RLF: variants seen among roughly 807,000 people sequenced by gnomAD.
RLF encodes the protein RLF zinc finger.
A neutral mutation model predicts 162.9 loss-of-function variants in RLF; 7 were observed. That is an observed-to-expected ratio of 0.04 (90% CI 0.02 to 0.08). RLF has a LOEUF of 0.08. Ranked by LOEUF, RLF falls within the 10% of genes least tolerant of loss-of-function variation. RLF has a pLI of 1.00. For synonymous variants in RLF, 782 were observed against 791.5 expected, an observed-to-expected ratio of 0.99 and a Z score of 0.20; for missense variants, 1,664 against 2,244.7, an observed-to-expected ratio of 0.74 and a Z score of 5.23.
At chr1:40,187,853 G>T (rs1642502894) in intron 1 of RLF, among the ~76,000 whole-genome samples, 1 of 152,132 alleles carries the variant, frequency 6.6e-6, no homozygotes, top group Non-Finnish European at 1.5e-5. Flanking sequence ...ATTTGTAGTT[G>T]TTTAGGCAGA....
intron 5 of RLF, among the ~76,000 whole-genome samples, chr1:40,212,611 C>T (rs1642877754): frequency 6.6e-6 from 1 of 152,150 alleles, no homozygotes; most frequent in South Asian, 2.1e-4. Flanking sequence ...AATCTGTCAG[C>T]AGAGTTCTTG....
At chr1:40,167,686 T>G (rs991628487) in intron 1 of RLF, among the ~76,000 whole-genome samples, 2 of 151,604 alleles carry the variant, frequency 1.3e-5, no homozygotes, top group African/African-American at 4.9e-5. Context: ...CTATTGCCTT[T>G]CACCTCTTTA....
chr1:40,188,977 CT>C, intron 1 of RLF, 77 bp from the exon 2 acceptor site: 1 of 942,530 alleles, frequency 1.1e-6, no homozygotes, highest in Non-Finnish European at 1.5e-6. Context: ...AATGGGAGAG[CT>C]ATGTGGTGTG....
chr1:40,219,735 C>G (rs867966874), intron 5 of RLF, among the ~76,000 whole-genome samples: 1 of 152,274 alleles, frequency 6.6e-6, no homozygotes, highest in South Asian at 2.1e-4. Flanking sequence ...AATTATCAGG[C>G]ATATTCGTGT....
intron 5 of RLF, among the ~76,000 whole-genome samples, chr1:40,208,086 A>G (rs536299111): frequency 6.6e-6 from 1 of 152,236 alleles, no homozygotes; most frequent in Non-Finnish European, 1.5e-5. Context: ...GGTTAGCAAC[A>G]TTCCACTTGG....
At chr1:40,163,100 G>A (rs916406137) in intron 1 of RLF, among the ~76,000 whole-genome samples, 1 of 151,606 alleles carries the variant, frequency 6.6e-6, no homozygotes, top group Non-Finnish European at 1.5e-5. Context: ...ATCCTGATGG[G>A]AAAGACAATT....
chr1:40,233,772 CAATT>C (rs1393063782), intron 7 of RLF, among the ~76,000 whole-genome samples: 7 of 152,138 alleles, frequency 4.6e-5, no homozygotes, highest in South Asian at 2.1e-4. Flanking sequence ...GGAGTTATCT[CAATT>C]GATTGTTCAC....
intron 6 of RLF, 33 bp from the exon 7 acceptor site, chr1:40,231,468 CAAATACCAGTTACTTT>C (rs1453281963): frequency 6.4e-7 from 1 of 1,573,048 alleles, no homozygotes; most frequent in Non-Finnish European, 8.7e-7. Flanking sequence ...GGCAGGGCAG[CAAATACCAGTTACTTT>C]AAATGTTTTA....
intron 5 of RLF, among the ~76,000 whole-genome samples, chr1:40,219,762 T>A (rs1642968529): frequency 6.6e-6 from 1 of 152,224 alleles, no homozygotes; most frequent in African/African-American, 2.4e-5. Context: ...AAATGCCAGG[T>A]AAACAGCAAT....
At chr1:40,197,298 T>G (rs907594090) in intron 4 of RLF, among the ~76,000 whole-genome samples, 2 of 152,180 alleles carry the variant, frequency 1.3e-5, no homozygotes, top group Non-Finnish European at 2.9e-5. Context: ...TCCATTGAGG[T>G]CCTCAATAAA....
chr1:40,213,130 CAGAA>C (rs1251539621), intron 5 of RLF, among the ~76,000 whole-genome samples: 1 of 152,182 alleles, frequency 6.6e-6, no homozygotes, highest in Non-Finnish European at 1.5e-5. Context: ...ACACTAATGA[CAGAA>C]AGTCTGTGTA....
intron 1 of RLF, among the ~76,000 whole-genome samples, chr1:40,176,842 T>C (rs768731164): frequency 6.6e-6 from 1 of 152,206 alleles, no homozygotes; most frequent in Non-Finnish European, 1.5e-5. Flanking sequence ...AATAATTGTT[T>C]TCTTATTGTT....
intron 5 of RLF, among the ~76,000 whole-genome samples, chr1:40,204,686 T>A (rs1422480268): frequency 6.6e-6 from 1 of 152,150 alleles, no homozygotes; most frequent in Non-Finnish European, 1.5e-5. Flanking sequence ...CCTCCCAAAG[T>A]GCTGGGATTA....
chr1:40,237,442 G>T lies in RLF; in HGVS notation c.2740G>T (p.Asp914Tyr), dbSNP rs1185089953. Residue 914 changes from aspartate (D) to tyrosine (Y), a missense_variant, in exon 8 of 8, where the codon GAC (aspartate) becomes TAC (tyrosine). Around this residue, in one of 15 missense-constraint regions of RLF, gnomAD observed 295 missense variants for 317.4 expected, o/e 0.93. Coordinates refer to ENST00000372771, the MANE Select transcript of RLF (RefSeq NM_012421.4). This position sits in a 1 kb window ranked among gnomAD's most constrained non-coding sequence, Gnocchi z 4.4. ...SSASMNEELI[D>Y]TLDHSETMQD... ...AGCTTCAATGAATGAAGAGCTAATT[G>T]ACACACTAGATCACTCTGAAACTAT... 1 of 1,613,818 alleles carries T rather than the reference G, an allele frequency of 6.2e-7. No individual in the cohort carries two copies. Among genetic ancestry groups the T allele is most frequent in the Non-Finnish European group, 8.5e-7 (1 of 1,179,980 alleles).
Position 40,240,170 on chromosome 1 carries a change from C to G in RLF, c.5468C>G (p.Pro1823Arg). ...VANNMVNDSE[P>R]EVDIPHSSSD... ...AATAATATGGTGAATGACAGTGAAC[C>G]TGAAGTTGACATACCTCATTCTTCC... Residue 1823 changes from proline (P) to arginine (R), a missense_variant, in exon 8 of 8, where the codon CCT becomes CGT. Around this residue, in one of 15 missense-constraint regions of RLF, gnomAD observed 327 missense variants for 342.7 expected, o/e 0.95. Transcript: ENST00000372771. 6.2e-7 allele frequency: 1 copy of G among 1,614,150 alleles called. No homozygotes were observed. Among genetic ancestry groups the G allele is most frequent in the African/African-American group, 1.3e-5 (1 of 75,032 alleles).
At chr1:40,229,320 T>C (rs555137919) in intron 6 of RLF, among the ~76,000 whole-genome samples, 1 of 152,284 alleles carries the variant, frequency 6.6e-6, no homozygotes, top group African/African-American at 2.4e-5. Flanking sequence ...CTGGCCTATC[T>C]CAATTTTCAC....
Position 40,202,456 on chromosome 1 carries a change from C to A in RLF, c.652C>A (p.Arg218=). The stretch of plus-strand genomic sequence containing the variant: ...AGAAGGACCTTCCTTTCTGCAAATG[C>A]GAATAAAACATTTGTTGAAATCTAA... ...AQEGPSFLQM[R]IKHLLKSNCI... is the part of the protein sequence containing the mutation. The change falls in exon 5 of 8, where the codon CGA becomes AGA. Residue 218 remains arginine (R), a synonymous_variant. Coordinates refer to ENST00000372771, the MANE Select transcript of RLF (RefSeq NM_012421.4). 6.3e-7 allele frequency: 1 copy of A among 1,579,100 alleles called. No individual in the cohort carries two copies. Among genetic ancestry groups the A allele is most frequent in the African/African-American group, 1.4e-5 (1 of 72,536 alleles).
rs761816149 is a variant in RLF, at chr1:40,235,055, ATTTTTTTTTT to A, written c.1090-723_1090-714del. Among the ~76,000 whole-genome samples, 5 of 105,464 alleles carry A rather than the reference ATTTTTTTTTT, an allele frequency of 4.7e-5. No homozygotes were observed. In the South Asian group the frequency reaches 9.8e-4, roughly 21 times the overall value. 69.2% of individuals were successfully genotyped at this position (105,464 alleles called of 152,430 possible). A position where few individuals can be genotyped will look rare whatever the true frequency, so the allele number is the denominator to read the frequency against. On this transcript the variant is annotated intron_variant, in intron 7 of 7. Transcript: ENST00000372771. The stretch of plus-strand genomic sequence containing the variant: ...AATCCAAGTGTTCATGATAGAGAGA[ATTTTTTTTTT>A]TTTTTTTTTTTTTGAGACGGAGTTT...
rs1468836177 is a variant in RLF at position 40,189,012 on chromosome 1, T to G, written c.238-43T>G. On this transcript the variant is annotated intron_variant, in intron 1 of 7. Coordinates refer to ENST00000372771, the MANE Select transcript of RLF (RefSeq NM_012421.4). ...TGTTTGAGGACAAAGACAATCTGTT[T>G]CATTATTTTTATTTGTAAATAATTT... 6.7e-6 allele frequency: 9 copies of G among 1,338,018 alleles called. No individual in the cohort carries two copies. The East Asian group carries it at 2.3e-4, about 34-fold the overall frequency. 82.9% of individuals were successfully genotyped at this position (1,338,018 alleles called of 1,614,324 possible). A position where few individuals can be genotyped will look rare whatever the true frequency, so the allele number is the denominator to read the frequency against.
Sources: gnomAD v4.1 joint callset for allele counts (sites outside exome capture counted in the v4.1 genomes callset) on GRCh38, gnomAD v4.1.1 for gene constraint, gnomAD v4.1.1 regional missense constraint, Gnocchi (gnomAD v3.1) non-coding constraint, MANE v1.5 for transcripts, NCBI Gene and HGNC (gene_info 2026-07-23, HGNC 2026-07-21) for gene names.